Variants in TDRD3 observed in about 807,000 individuals in gnomAD.
TDRD3 encodes the protein tudor domain containing 3.
TDRD3 carries 45 observed loss-of-function variants against 86.7 expected under a neutral mutation model. The ratio of observed to expected loss-of-function variants is 0.52; its 90% CI spans 0.41 to 0.67. The LOEUF is 0.67. Ranked by LOEUF, TDRD3 falls within the 30% of genes least tolerant of loss-of-function variation. The probability of loss-of-function intolerance (pLI) is 0.00; values close to 1 mark genes in which losing one functional copy is unlikely to be tolerated. For synonymous variants in TDRD3, 298 were observed against 301.7 expected (o/e 0.99, Z 0.13); for missense variants, 814 against 889.0 (o/e 0.92, Z 1.07).
intron 5 of TDRD3, among the ~76,000 whole-genome samples, chr13:60,470,690 C>A (rs1229520612): frequency 6.7e-6 from 1 of 148,850 alleles, no homozygotes. Flanking sequence ...TTCAAGCGAT[C>A]TCCTGTCTCA....
chr13:60,426,270 A>G (rs1241630262), intron 1 of TDRD3, among the ~76,000 whole-genome samples: 1 of 152,218 alleles, frequency 6.6e-6, no homozygotes, highest in Non-Finnish European at 1.5e-5. Context: ...AGTGGTTACC[A>G]CAGGCAGTGG....
intron 12 of TDRD3, among the ~76,000 whole-genome samples, chr13:60,561,167 T>G (rs983019575): frequency 6.6e-6 from 1 of 152,224 alleles, no homozygotes; most frequent in Non-Finnish European, 1.5e-5. Flanking sequence ...CATATGTTAA[T>G]GAAACCCGAG....
intron 1 of TDRD3, among the ~76,000 whole-genome samples, chr13:60,432,386 A>G (rs532776861): frequency 5.3e-5 from 8 of 152,194 alleles, no homozygotes; most frequent in African/African-American, 1.9e-4. Context: ...TACCTTACTA[A>G]TCTTGTTATT....
intron 8 of TDRD3, among the ~76,000 whole-genome samples, chr13:60,504,638 G>C (rs1032189045): frequency 6.6e-6 from 1 of 152,170 alleles, no homozygotes; most frequent in African/African-American, 2.4e-5. Flanking sequence ...TTGATTCGGT[G>C]GTGGCTGGCA....
At chr13:60,565,111 C>T (rs953772857) in intron 12 of TDRD3, among the ~76,000 whole-genome samples, 2 of 135,938 alleles carry the variant, frequency 1.5e-5, no homozygotes, top group African/African-American at 2.9e-5. Context: ...GCCGGAGTGC[C>T]GTGGCACTGT....
At chr13:60,464,515 T>C (rs1301175529) in intron 4 of TDRD3, among the ~76,000 whole-genome samples, 3 of 152,088 alleles carry the variant, frequency 2.0e-5, no homozygotes, top group African/African-American at 7.2e-5. Flanking sequence ...GTGTGCATCA[T>C]TGGTTGAATG....
At chr13:60,501,424 A>T (rs1956830023) in intron 8 of TDRD3, among the ~76,000 whole-genome samples, 1 of 152,216 alleles carries the variant, frequency 6.6e-6, no homozygotes, top group Non-Finnish European at 1.5e-5. Context: ...CCTCCACCAG[A>T]TGTTGCTGAA....
intron 12 of TDRD3, among the ~76,000 whole-genome samples, chr13:60,564,992 C>G (rs1054418644): frequency 1.9e-4 from 27 of 143,124 alleles, no homozygotes; most frequent in African/African-American, 6.5e-4. Context: ...TTAAAAAGCA[C>G]AGATTGTGAC....
chr13:60,451,560 C>T (rs899078477), intron 3 of TDRD3, among the ~76,000 whole-genome samples: 4 of 152,092 alleles, frequency 2.6e-5, no homozygotes, highest in African/African-American at 7.2e-5. Flanking sequence ...TTCCCCTGTC[C>T]CTCTACCAGA....
chr13:60,510,779 C>CTT, intron 10 of TDRD3, 24 bp downstream of exon 10: 3 of 1,405,038 alleles, frequency 2.1e-6, no homozygotes, highest in South Asian at 1.5e-5. Flanking sequence ...AAGTTGATTC[C>CTT]TTTTTTTTTC....
intron 3 of TDRD3, among the ~76,000 whole-genome samples, chr13:60,457,717 C>A (rs35351188): frequency 0.15 from 22,767 of 152,164 alleles, 2,129 homozygotes; most frequent in South Asian, 0.28. Context: ...AAAGTGTCAG[C>A]AGGGTTGGTT....
intron 10 of TDRD3, 134 bp downstream of exon 10, chr13:60,510,889 A>G (rs1957045611): frequency 1.2e-6 from 1 of 856,486 alleles, no homozygotes; most frequent in African/African-American, 1.8e-5. Flanking sequence ...ATGAACGTAT[A>G]TCCTGAGTGT....
intron 12 of TDRD3, among the ~76,000 whole-genome samples, chr13:60,549,764 A>G (rs1384719511): frequency 6.6e-6 from 1 of 152,074 alleles, no homozygotes; most frequent in Non-Finnish European, 1.5e-5. Context: ...TTATCTGTCT[A>G]TTATTGACCA....
At position 60,557,251 on chromosome 13, in the gene TDRD3, C is replaced by T. The variant is rs1958213080; in HGVS notation, c.2119-10274C>T. Among the ~76,000 whole-genome samples, 3 of 149,624 alleles carry T rather than the reference C, an allele frequency of 2.0e-5. 1 individual carries two copies. The South Asian group carries it at 6.3e-4, about 32-fold the overall frequency. ...AAGTAGTTCCTGAAGTTCAGATTTG[C>T]ACTTTCTAGTGAAGGATGCAAACCA... On this transcript the variant is annotated intron_variant, in intron 12 of 13. Coordinates refer to ENST00000377881, the MANE Select transcript of TDRD3 (RefSeq NM_001146070.2).
intron 7 of TDRD3, among the ~76,000 whole-genome samples, chr13:60,493,788 T>A (rs1956655322): frequency 6.6e-6 from 1 of 152,224 alleles, no homozygotes; most frequent in Admixed American, 6.5e-5. Context: ...TATGTCCTAA[T>A]CTTTTCCTAA....
intron 13 of TDRD3, among the ~76,000 whole-genome samples, chr13:60,569,459 T>C (rs1161992736): frequency 2.0e-5 from 3 of 152,222 alleles, no homozygotes; most frequent in East Asian, 1.9e-4. Flanking sequence ...TCCATGTTCA[T>C]GGATTAGAAG....
rs765054696 is a variant in TDRD3 at position 60,535,230 on chromosome 13, A to G, written c.2115A>G (p.Ala705=). ...LSNIKPIQTE[A]WEEEGTYDQT... ...ATATCAAGCCCATTCAAACAGAGGC[A>G]TGGGTACGTGATACATATTCTGTAC... Residue 705 remains alanine, a synonymous_variant, in exon 12 of 14, where the codon GCA becomes GCG. Coordinates refer to ENST00000377881, the MANE Select transcript of TDRD3 (RefSeq NM_001146070.2). 2.5e-5 allele frequency: 41 copies of G among 1,613,218 alleles called. No individual in the cohort carries two copies. Among genetic ancestry groups the G allele is most frequent in the Non-Finnish European group, 3.1e-5 (37 of 1,179,556 alleles).
At chr13:60,519,353 A>G (rs914687399) in intron 10 of TDRD3, among the ~76,000 whole-genome samples, 2 of 152,220 alleles carry the variant, frequency 1.3e-5, no homozygotes, top group African/African-American at 4.8e-5. Flanking sequence ...ATAGGTTTGT[A>G]TATTAATATT....
chr13:60,531,604 A>G (rs1256389032), intron 11 of TDRD3, among the ~76,000 whole-genome samples: 1 of 152,220 alleles, frequency 6.6e-6, no homozygotes, highest in Non-Finnish European at 1.5e-5. Flanking sequence ...CAGGCTTTCC[A>G]TTGAAATCCC....
Sources: allele counts gnomAD v4.1 joint callset (sites outside exome capture counted in the v4.1 genomes callset), GRCh38; gene constraint gnomAD v4.1.1; transcripts MANE v1.5; gene names NCBI Gene and HGNC (gene_info 2026-07-23, HGNC 2026-07-21).